The following PGAP1 variants were observed in gnomAD, a reference collection of about 807,000 sequenced individuals.
The protein encoded by PGAP1 is GPI inositol-deacylase.
PGAP1 carries 76 observed loss-of-function variants against 127.0 expected under a neutral mutation model. The ratio of observed to expected loss-of-function variants is 0.60; its 90% CI spans 0.50 to 0.72. The LOEUF is 0.72. Ranked by LOEUF, PGAP1 falls within the 30% of genes least tolerant of loss-of-function variation. The probability of loss-of-function intolerance (pLI) is 0.00; values close to 1 mark genes in which losing one functional copy is unlikely to be tolerated. For synonymous variants in PGAP1, 362 were observed against 366.5 expected (o/e 0.99, Z 0.14); for missense variants, 982 against 1,071.3 (o/e 0.92, Z 1.16).
chr2:196,902,793 A>T (rs763862207), intron 4 of PGAP1, 51 bp from the exon 5 acceptor site: 128 of 1,364,918 alleles, frequency 9.4e-5, no homozygotes, highest in Middle Eastern at 1.8e-4. Context: ...ATTCCCTGAA[A>T]CAATAAGATA....
intron 14 of PGAP1, 122 bp from the exon 15 acceptor site, chr2:196,873,880 C>T (rs1465464418): frequency 3.0e-6 from 2 of 657,260 alleles, no homozygotes; most frequent in Admixed American, 5.4e-5. Flanking sequence ...GTTTTCACTT[C>T]TGTATGGAGT....
In PGAP1 at chr2:196,902,571, T is replaced by TA; in HGVS notation, c.807+13dup. 1 of 1,588,758 alleles carries TA rather than the reference T, an allele frequency of 6.3e-7. No individual in the cohort carries two copies. Among genetic ancestry groups the TA allele is most frequent in the Non-Finnish European group, 8.6e-7 (1 of 1,168,446 alleles). On this transcript the variant is annotated intron_variant, in intron 5 of 26. Transcript: ENST00000354764. ...TTACATTACTATTTCAATAGAATCTTAAAAAAAGATTACCACAACAGATAA... is the reference window on the plus strand; with the variant it reads ...TTACATTACTATTTCAATAGAATCTTAAAAAAAAGATTACCACAACAGATAA...
intron 19 of PGAP1, 28 bp downstream of exon 19, chr2:196,870,913 T>C (rs1701389982): frequency 6.3e-7 from 1 of 1,585,756 alleles, no homozygotes; most frequent in Middle Eastern, 1.7e-4. Context: ...AAGCAGTAAA[T>C]AATCAACCAG....
chr2:196,879,678 G>A (rs1305198873), intron 13 of PGAP1, among the ~76,000 whole-genome samples: 1 of 152,134 alleles, frequency 6.6e-6, no homozygotes, highest in Non-Finnish European at 1.5e-5. Flanking sequence ...CTGGGTGACA[G>A]AGCAAGACTC....
intron 1 of PGAP1, chr2:196,922,603 C>A: frequency 1.3e-6 from 1 of 782,978 alleles, no homozygotes; most frequent in Non-Finnish European, 1.5e-6. Flanking sequence ...CACACACACA[C>A]ACACACACAC....
intron 3 of PGAP1, among the ~76,000 whole-genome samples, chr2:196,914,145 G>A (rs1051421997): frequency 6.6e-6 from 1 of 152,108 alleles, no homozygotes; most frequent in Non-Finnish European, 1.5e-5. Context: ...ACCTTCGCAA[G>A]TACCTCACTC....
rs1247027849 is a variant in PGAP1, at chr2:196,848,139, A to G, written c.1862-102T>C. On this transcript the variant is annotated intron_variant, in intron 20 of 26. Coordinates refer to ENST00000354764, the MANE Select transcript of PGAP1 (RefSeq NM_024989.4). ...CAGCAACATATTTTATGTCAGAGAA[A>G]GTAAGGGTCTTCATTACTATCACAG... The G allele has an allele frequency of 7.6e-6, 5 of 656,510 alleles. No individual in the cohort carries two copies. In the East Asian group the frequency reaches 1.2e-4, roughly 16 times the overall value. The allele number at this position is 656,510 out of a possible 1,614,324, so 40.7% of individuals were successfully genotyped here. A position where few individuals can be genotyped will look rare whatever the true frequency, so the allele number is the denominator to read the frequency against.
intron 5 of PGAP1, among the ~76,000 whole-genome samples, chr2:196,899,012 T>G (rs777277883): frequency 9.2e-5 from 14 of 152,114 alleles, no homozygotes; most frequent in Non-Finnish European, 1.8e-4. Flanking sequence ...ATATAAGTAT[T>G]TGCAGAGGGC....
chr2:196,926,518 C>G lies in PGAP1; in HGVS notation c.99G>C (p.Glu33Asp). Residue 33 changes from glutamate (E) to aspartate (D), a missense_variant, in exon 1 of 27, where the codon GAG becomes GAC. Physicochemically the swap from Glu to Asp is conservative, Grantham distance 45. Transcript: ENST00000354764. ...TGTAGCTCATACTGCACTTATTCTC[C>G]TCGAAGCCGAAGAAGACATCCCACA... ...LGLWDVFFGF[E>D]ENKCSMSYMF... 1 of 1,614,182 alleles carries G rather than the reference C, an allele frequency of 6.2e-7. No homozygotes were observed. Among genetic ancestry groups the G allele is most frequent in the Non-Finnish European group, 8.5e-7 (1 of 1,180,016 alleles).
chr2:196,853,372 A>G (rs1700779408), intron 20 of PGAP1, among the ~76,000 whole-genome samples: 1 of 152,208 alleles, frequency 6.6e-6, no homozygotes, highest in South Asian at 2.1e-4. Flanking sequence ...TTCTTGATAC[A>G]TCTCAATTGT....
At chr2:196,913,303 G>T (rs1311894158) in intron 3 of PGAP1, among the ~76,000 whole-genome samples, 1 of 152,134 alleles carries the variant, frequency 6.6e-6, no homozygotes. Context: ...AGTTGGTCTA[G>T]CAAATCATGT....
At chr2:196,914,033 T>C (rs1393973861) in intron 3 of PGAP1, among the ~76,000 whole-genome samples, 1 of 152,206 alleles carries the variant, frequency 6.6e-6, no homozygotes, top group Admixed American at 6.5e-5. Flanking sequence ...TGTCACAATA[T>C]GCTGGTATAG....
At position 196,844,022 on chromosome 2, in the gene PGAP1, G is replaced by A; in HGVS notation, c.2391C>T (p.Ser797=). 6.2e-7 allele frequency: 1 copy of A among 1,604,734 alleles called. No homozygotes were observed. Among genetic ancestry groups the A allele is most frequent in the South Asian group, 1.1e-5 (1 of 89,796 alleles). Residue 797 remains serine (S), a synonymous_variant, in exon 25 of 27, where the codon TCC becomes TCT. Coordinates refer to ENST00000354764, the MANE Select transcript of PGAP1 (RefSeq NM_024989.4). ...CAGATAAACGAAGATGGTGTATTGA[G>A]GAGTCTTTATGATGATTGGATTTCT... ...SEKKSNHHKD[S]SIHHLRLSAN... is the part of the protein sequence containing the mutation.
Position 196,864,390 on chromosome 2 carries a change from C to CAAA in PGAP1, c.1861+594_1861+596dup, listed in dbSNP as rs752788293. Reference sequence around the variant, plus strand: ...GGGCAACAAGAGCAAAACTACGTCTCAAAAAAAAAAAAAAAAAAAAAAAAA... The same window carrying CAAA: ...GGGCAACAAGAGCAAAACTACGTCTCAAAAAAAAAAAAAAAAAAAAAAAAAAAA... On this transcript the variant is annotated intron_variant, in intron 20 of 26. Transcript: ENST00000354764. Among the ~76,000 whole-genome samples, 131 of 32,062 alleles carry CAAA rather than the reference C, an allele frequency of 4.1e-3. 2 individuals carry two copies. Among genetic ancestry groups the CAAA allele is most frequent in the East Asian group, 0.028 (26 of 920 alleles). 21.0% of individuals were successfully genotyped at this position (32,062 alleles called of 152,430 possible).
chr2:196,912,682 C>T (rs942045115), intron 4 of PGAP1, among the ~76,000 whole-genome samples, 200 bp downstream of exon 4: 2 of 144,886 alleles, frequency 1.4e-5, no homozygotes, highest in African/African-American at 5.1e-5. Context: ...ACAGACAAAA[C>T]TTAACAGTAG....
chr2:196,873,384 A>G lies in PGAP1; in HGVS notation c.1552+144T>C, dbSNP rs1261173435. ...AGGGTCTATGTTAAATCCCCTGGAA[A>G]TATAAACAACCTGTTATAAATTTAA... On this transcript the variant is annotated intron_variant, in intron 16 of 26. Coordinates refer to ENST00000354764, the MANE Select transcript of PGAP1 (RefSeq NM_024989.4). The G allele has an allele frequency of 1.1e-5, 7 of 639,084 alleles. No homozygotes were observed. In the African/African-American group the frequency reaches 1.3e-4, roughly 12 times the overall value. The allele number at this position is 639,084 out of a possible 1,614,324, so 39.6% of individuals were successfully genotyped here. A position where few individuals can be genotyped will look rare whatever the true frequency, so the allele number is the denominator to read the frequency against.
intron 20 of PGAP1, among the ~76,000 whole-genome samples, chr2:196,850,266 A>G (rs1211431199): frequency 6.6e-6 from 1 of 152,146 alleles, no homozygotes; most frequent in Non-Finnish European, 1.5e-5. Flanking sequence ...CTGCACATAT[A>G]CCTTTGAAAT....
rs1702158803 is a variant in PGAP1 at position 196,893,158 on chromosome 2, T to C, written c.1015A>G (p.Ile339Val). The C allele has an allele frequency of 1.9e-6, 3 of 1,586,108 alleles. No individual in the cohort carries two copies. Among genetic ancestry groups the C allele is most frequent in the Admixed American group, 1.7e-5 (1 of 59,112 alleles). ...CACCAACCTGTTAAGTCAGAAATTA[T>C]AGCTGGATTTTCCTCAAAATGTTTT... ...PSKHFEENPA[I>V]ISDLTGTSMW... The change falls in exon 8 of 27, where the codon ATA becomes GTA. Residue 339 changes from isoleucine (I) to valine (V), a missense_variant. Coordinates refer to ENST00000354764, the MANE Select transcript of PGAP1 (RefSeq NM_024989.4).
At position 196,833,975 on chromosome 2, in the gene PGAP1, A is replaced by G. The variant is rs1170341789; in HGVS notation, c.*7259T>C. The G allele has an allele frequency of 6.6e-6, 1 of 152,060 alleles. No homozygotes were observed. Among genetic ancestry groups the G allele is most frequent in the Non-Finnish European group, 1.5e-5 (1 of 67,926 alleles). 9.4% of individuals were successfully genotyped at this position (152,060 alleles called of 1,614,324 possible). A position where few individuals can be genotyped will look rare whatever the true frequency, so the allele number is the denominator to read the frequency against. On this transcript the variant is annotated 3_prime_UTR_variant, in exon 27 of 27. Coordinates refer to ENST00000354764, the MANE Select transcript of PGAP1 (RefSeq NM_024989.4). Reference sequence around the variant, plus strand: ...ATGAGAGGAAATAATGTTTTAAAATATACTACATGAATGAGTTTATTAATT... The same window carrying G: ...ATGAGAGGAAATAATGTTTTAAAATGTACTACATGAATGAGTTTATTAATT...
Sources: allele counts gnomAD v4.1 joint callset (sites outside exome capture counted in the v4.1 genomes callset), GRCh38; gene constraint gnomAD v4.1.1; transcripts MANE v1.5; gene names NCBI Gene and HGNC (gene_info 2026-07-23, HGNC 2026-07-21).